CDKAL1: variants seen among roughly 807,000 people sequenced by gnomAD.
The protein encoded by CDKAL1 is threonylcarbamoyladenosine tRNA methylthiotransferase.
CDKAL1 carries 32 observed loss-of-function variants against 68.2 expected under a neutral mutation model. The observed-to-expected ratio is 0.47, with a 90% CI of 0.35 to 0.63. The LOEUF (loss-of-function observed/expected upper bound fraction) is 0.63. CDKAL1 is among the 30% of genes least tolerant of loss of function. The pLI, the probability that CDKAL1 is intolerant of heterozygous loss-of-function variation, is 0.00. For synonymous variants in CDKAL1, 234 were observed against 244.3 expected, an observed-to-expected ratio of 0.96 and a Z score of 0.39; for missense variants, 606 against 696.7, an observed-to-expected ratio of 0.87 and a Z score of 1.47.
intron 8 of CDKAL1, among the ~76,000 whole-genome samples, chr6:20,793,761 TG>T (rs1009964401): frequency 1.2e-3 from 65 of 54,194 alleles, no homozygotes; most frequent in South Asian, 2.6e-3. Context: ...TTTCAGGGAT[TG>T]TTTTTTTTTA....
chr6:21,110,624 A>G (rs1298960744), intron 13 of CDKAL1, among the ~76,000 whole-genome samples: 2 of 152,190 alleles, frequency 1.3e-5, no homozygotes, highest in Non-Finnish European at 2.9e-5. Flanking sequence ...ATATATTGTC[A>G]GTGAAAGCTT....
intron 5 of CDKAL1, among the ~76,000 whole-genome samples, chr6:20,729,967 G>A (rs1772833447): frequency 6.6e-6 from 1 of 152,110 alleles, no homozygotes; most frequent in Non-Finnish European, 1.5e-5. Context: ...CCATCTTTAT[G>A]ACATTCATGC....
chr6:20,562,727 G>A (rs891642422), intron 4 of CDKAL1, among the ~76,000 whole-genome samples: 12 of 151,418 alleles, frequency 7.9e-5, no homozygotes, highest in African/African-American at 2.9e-4. Flanking sequence ...GGGCAATAGA[G>A]TGAGACTCCA....
At chr6:20,762,018 G>C (rs962903456) in intron 7 of CDKAL1, among the ~76,000 whole-genome samples, 3 of 152,078 alleles carry the variant, frequency 2.0e-5, no homozygotes, top group African/African-American at 7.2e-5. Context: ...TGTGAAGTGG[G>C]GGCAGTGATA....
At chr6:21,148,195 C>T (rs549685606) in intron 13 of CDKAL1, among the ~76,000 whole-genome samples, 7 of 152,142 alleles carry the variant, frequency 4.6e-5, no homozygotes, top group East Asian at 1.9e-4. Context: ...TGTTTTGTTT[C>T]GGAGCGGGAT....
chr6:20,756,803 A>G (rs1774191215), intron 6 of CDKAL1: 2 of 98,730 alleles, frequency 2.0e-5, no homozygotes, highest in Admixed American at 2.0e-4. Context: ...GAGAATTACC[A>G]TTTCCTTCCT....
intron 5 of CDKAL1, among the ~76,000 whole-genome samples, chr6:20,686,309 G>A (rs1770619354): frequency 6.6e-6 from 1 of 152,132 alleles, no homozygotes; most frequent in Admixed American, 6.5e-5. Flanking sequence ...CGGTGGGTGA[G>A]TGAGCCAAGC....
intron 12 of CDKAL1, among the ~76,000 whole-genome samples, chr6:21,084,429 G>A (rs1772586161): frequency 6.6e-6 from 1 of 152,162 alleles, no homozygotes; most frequent in South Asian, 2.1e-4. Context: ...CAAAACCTAT[G>A]TGGGTTAAGA....
At chr6:21,216,787 G>A (rs371593314) in intron 15 of CDKAL1, among the ~76,000 whole-genome samples, 72 of 152,220 alleles carry the variant, frequency 4.7e-4, no homozygotes, top group African/African-American at 1.7e-3. Context: ...CTCATCTCCA[G>A]CCCAAATCTT....
intron 5 of CDKAL1, among the ~76,000 whole-genome samples, chr6:20,737,103 C>T (rs1461641177): frequency 1.3e-5 from 2 of 152,154 alleles, no homozygotes; most frequent in Non-Finnish European, 1.5e-5. Context: ...ATACTTTCCT[C>T]CTCCTTGTCT....
At chr6:20,824,470 C>T (rs1777415467) in intron 8 of CDKAL1, among the ~76,000 whole-genome samples, 1 of 152,098 alleles carries the variant, frequency 6.6e-6, no homozygotes, top group African/African-American at 2.4e-5. Flanking sequence ...TTCTTCCAAG[C>T]TCACATGGTT....
At chr6:20,674,192 A>G (rs1769983012) in intron 5 of CDKAL1, among the ~76,000 whole-genome samples, 1 of 152,120 alleles carries the variant, frequency 6.6e-6, no homozygotes, top group African/African-American at 2.4e-5. Context: ...CAAGAGTTTT[A>G]ATTCTTTGCT....
intron 9 of CDKAL1, among the ~76,000 whole-genome samples, chr6:20,870,509 C>T (rs9366364): frequency 0.96 from 146,010 of 152,326 alleles, 69,993 homozygotes; most frequent in East Asian, 1. Context: ...ACTTAATATA[C>T]ACTGTGATGA....
intron 13 of CDKAL1, among the ~76,000 whole-genome samples, chr6:21,194,726 A>C (rs1309477169): frequency 6.6e-6 from 1 of 152,116 alleles, no homozygotes; most frequent in East Asian, 1.9e-4. Context: ...TTTAAAAAGA[A>C]ATTTGAGGCT....
At chr6:20,846,261 C>A (rs1015998886) in intron 9 of CDKAL1, 83 bp downstream of exon 9, 1 of 753,000 alleles carries the variant, frequency 1.3e-6, no homozygotes, top group Non-Finnish European at 2.2e-6. Flanking sequence ...AGTTTAGAGA[C>A]CAACTTCTTT....
chr6:20,612,155 A>G (rs1406244169), intron 4 of CDKAL1, among the ~76,000 whole-genome samples: 1 of 152,162 alleles, frequency 6.6e-6, no homozygotes, highest in Non-Finnish European at 1.5e-5. Flanking sequence ...TTTTTCTGTG[A>G]CAGACACTTA....
At chr6:20,604,180 A>G (rs1445156265) in intron 4 of CDKAL1, among the ~76,000 whole-genome samples, 1 of 152,146 alleles carries the variant, frequency 6.6e-6, no homozygotes, top group East Asian at 1.9e-4. Context: ...TCAGCCTTTT[A>G]TTCACCCACA....
intron 11 of CDKAL1, among the ~76,000 whole-genome samples, chr6:21,014,182 C>T (rs1217152920): frequency 2.6e-5 from 4 of 152,124 alleles, no homozygotes; most frequent in Non-Finnish European, 4.4e-5. Flanking sequence ...CCTAGCTGCA[C>T]GGAAAACTAG....
Position 21,143,904 on chromosome 6 carries a change from TG to T in CDKAL1, c.1299+35443del, listed in dbSNP as rs367901493. Among the ~76,000 whole-genome samples, 11 of 152,254 alleles carry T rather than the reference TG, an allele frequency of 7.2e-5. No homozygotes were observed. The East Asian group carries it at 1.7e-3, about 24-fold the overall frequency. On this transcript the variant is annotated intron_variant, in intron 13 of 15. Coordinates refer to ENST00000274695, the MANE Select transcript of CDKAL1 (RefSeq NM_017774.3). ...GTCTGGATCGACTCAGGTTCTGGAATGGTGCATCTCACGATACTGAGTAGCC... is the reference window on the plus strand; with the variant it reads ...GTCTGGATCGACTCAGGTTCTGGAATGTGCATCTCACGATACTGAGTAGCC...
Sources: gnomAD v4.1 joint callset for allele counts (sites outside exome capture counted in the v4.1 genomes callset) on GRCh38, gnomAD v4.1.1 for gene constraint, MANE v1.5 for transcripts, NCBI Gene and HGNC (gene_info 2026-07-23, HGNC 2026-07-21) for gene names.